TBL1X: variants seen among roughly 807,000 people sequenced by gnomAD.
TBL1X encodes F-box-like/WD repeat-containing protein TBL1X.
A neutral mutation model predicts 50.7 loss-of-function variants in TBL1X; 10 were observed. The ratio of observed to expected loss-of-function variants is 0.20; its 90% CI spans 0.12 to 0.33. TBL1X has a LOEUF of 0.33. TBL1X is among the 10% of genes least tolerant of loss of function. The probability of loss-of-function intolerance (pLI) is 1.00; values close to 1 mark genes in which losing one functional copy is unlikely to be tolerated. For missense variants in TBL1X, 340 were observed against 504.4 expected, an observed-to-expected ratio of 0.67 and a Z score of 3.12; for synonymous variants, 190 against 214.7, an observed-to-expected ratio of 0.88 and a Z score of 1.01.
intron 2 of TBL1X, among the ~76,000 whole-genome samples, chrX:9,516,122 CATT>C (rs976762361): frequency 9.0e-6 from 1 of 111,096 alleles, no homozygotes; most frequent in African/African-American, 3.3e-5. Context: ...GTGTCAGTGT[CATT>C]GTGGAGATAG....
intron 13 of TBL1X, among the ~76,000 whole-genome samples, chrX:9,707,293 A>G (rs770091314): frequency 3.6e-5 from 4 of 111,575 alleles, no homozygotes; most frequent in South Asian, 3.8e-4. Flanking sequence ...ACAGGCACCT[A>G]TCGTCCTGTT....
chrX:9,697,998 T>C (rs1256367871), intron 12 of TBL1X, among the ~76,000 whole-genome samples: 5 of 111,205 alleles, frequency 4.5e-5, no homozygotes, highest in African/African-American at 1.6e-4. Flanking sequence ...GGCAGGAGGA[T>C]TGCTTGAGCC....
intron 2 of TBL1X, among the ~76,000 whole-genome samples, chrX:9,513,430 T>C (rs2082066836): frequency 9.0e-6 from 1 of 111,674 alleles, no homozygotes; most frequent in South Asian, 3.8e-4. Context: ...CTGCCTTAGT[T>C]ACCTCTTTGC....
At chrX:9,713,315 C>T (rs926053610) in intron 16 of TBL1X, among the ~76,000 whole-genome samples, 1 of 110,821 alleles carries the variant, frequency 9.0e-6, no homozygotes, top group Non-Finnish European at 1.9e-5. Context: ...GTAAAAAGAA[C>T]ACATCAATTA....
At chrX:9,655,752 C>T (rs753621738) in intron 5 of TBL1X, among the ~76,000 whole-genome samples, 10 of 112,300 alleles carry the variant, frequency 8.9e-5, no homozygotes, top group Non-Finnish European at 1.9e-4. Context: ...AACCAGTCTA[C>T]GATCCTCTAG....
At chrX:9,670,283 C>G (rs535786302) in intron 5 of TBL1X, among the ~76,000 whole-genome samples, 1 of 110,670 alleles carries the variant, frequency 9.0e-6, no homozygotes, top group Non-Finnish European at 1.9e-5. Context: ...GTCCTGTGGC[C>G]CCCCCTACTG....
intron 5 of TBL1X, among the ~76,000 whole-genome samples, chrX:9,678,310 T>C (rs1025168168): frequency 1.8e-5 from 2 of 111,770 alleles, no homozygotes; most frequent in Non-Finnish European, 3.8e-5. Context: ...TTATGAGCCA[T>C]GTGGTCTCTG....
chrX:9,620,914 C>T (rs867971164), intron 2 of TBL1X, among the ~76,000 whole-genome samples: 13 of 111,838 alleles, frequency 1.2e-4, no homozygotes, highest in African/African-American at 2.9e-4. Flanking sequence ...CATAGCTCAG[C>T]GGAGCCAAGA....
At chrX:9,500,304 A>G (rs1431708318) in intron 1 of TBL1X, among the ~76,000 whole-genome samples, 18 of 106,426 alleles carry the variant, frequency 1.7e-4, no homozygotes, top group African/African-American at 4.8e-4. Context: ...AAAGCAAGAA[A>G]AAAAAAGCAT....
intron 2 of TBL1X, among the ~76,000 whole-genome samples, chrX:9,542,379 G>A (rs1024688940): frequency 9.0e-6 from 1 of 111,330 alleles, no homozygotes; most frequent in South Asian, 3.8e-4. Flanking sequence ...CATTACAACC[G>A]GCGGCAACAC....
intron 1 of TBL1X, among the ~76,000 whole-genome samples, chrX:9,469,414 C>T (rs965337396): frequency 8.9e-6 from 1 of 111,885 alleles, no homozygotes; most frequent in Non-Finnish European, 1.9e-5. Context: ...CCTCCCGCCT[C>T]GGCCTCCCAA....
In TBL1X at chrX:9,695,080, C is replaced by T. The variant is rs375383919; in HGVS notation, c.1053+1661C>T. Among the ~76,000 whole-genome samples, 6 of 112,412 alleles carry T rather than the reference C, an allele frequency of 5.3e-5. No individual in the cohort carries two copies. In the South Asian group the frequency reaches 2.2e-3, roughly 41 times the overall value. ...TAATTGAATTTGGCAAACTGTGGCCCACATAGGCCAAGTCTGGCTCCTCAC... is the reference window on the plus strand; with the variant it reads ...TAATTGAATTTGGCAAACTGTGGCCTACATAGGCCAAGTCTGGCTCCTCAC... On this transcript the variant is annotated intron_variant, in intron 11 of 17. Transcript: ENST00000645353.
intron 2 of TBL1X, among the ~76,000 whole-genome samples, chrX:9,616,394 T>G (rs1211205256): frequency 1.8e-5 from 2 of 111,776 alleles, no homozygotes; most frequent in African/African-American, 6.5e-5. Flanking sequence ...GAAAAAACAA[T>G]TTTTTTCTAA....
intron 11 of TBL1X, among the ~76,000 whole-genome samples, chrX:9,697,085 G>T (rs2083135989): frequency 8.9e-6 from 1 of 112,189 alleles, no homozygotes; most frequent in Non-Finnish European, 1.9e-5. Flanking sequence ...GAAAAAGAAG[G>T]CAAATATCCC....
At chrX:9,694,179 G>T (rs948929105) in intron 11 of TBL1X, among the ~76,000 whole-genome samples, 3 of 105,918 alleles carry the variant, frequency 2.8e-5, no homozygotes, top group African/African-American at 1.0e-4. Context: ...GCGTTCCCGA[G>T]ACTCAGCAGG....
At chrX:9,556,759 C>T (rs1369999327) in intron 2 of TBL1X, among the ~76,000 whole-genome samples, 1 of 108,543 alleles carries the variant, frequency 9.2e-6, no homozygotes. Context: ...GCTGAAGGCT[C>T]GAGGGTTAAG....
At chrX:9,507,823 C>T (rs748920073) in intron 2 of TBL1X, among the ~76,000 whole-genome samples, 11 of 111,876 alleles carry the variant, frequency 9.8e-5, no homozygotes, top group East Asian at 2.8e-4. Context: ...ACAAATCTGC[C>T]GAAAACAAGC....
At chrX:9,470,889 C>T (rs916367624) in intron 1 of TBL1X, among the ~76,000 whole-genome samples, 4 of 112,092 alleles carry the variant, frequency 3.6e-5, no homozygotes, top group Non-Finnish European at 7.5e-5. Context: ...TCGCCTCGGC[C>T]TCCCAAACTA....
At chrX:9,669,893 CAGTG>C (rs1486304313) in intron 5 of TBL1X, among the ~76,000 whole-genome samples, 1 of 111,610 alleles carries the variant, frequency 9.0e-6, no homozygotes, top group African/African-American at 3.3e-5. Context: ...AACATGTTGA[CAGTG>C]AGAGAAAACT....
Sources: allele counts gnomAD v4.1 joint callset (sites outside exome capture counted in the v4.1 genomes callset), GRCh38; gene constraint gnomAD v4.1.1; transcripts MANE v1.5; gene names NCBI Gene and HGNC (gene_info 2026-07-23, HGNC 2026-07-21).